The following ZNF451 variants were observed in gnomAD, a reference collection of about 807,000 sequenced individuals.
The protein encoded by ZNF451 is E3 SUMO-protein ligase ZNF451.
A neutral mutation model predicts 107.1 loss-of-function variants in ZNF451; 80 were observed. That is an observed-to-expected ratio of 0.75 (90% CI 0.62 to 0.90). The LOEUF (loss-of-function observed/expected upper bound fraction) is 0.90. ZNF451 is among the 40% of genes least tolerant of loss of function. The probability of loss-of-function intolerance (pLI) is 0.00; values close to 1 mark genes in which losing one functional copy is unlikely to be tolerated. For synonymous variants in ZNF451, 362 were observed against 406.5 expected (o/e 0.89, Z 1.32); for missense variants, 1,107 against 1,236.2 (o/e 0.90, Z 1.57).
At chr6:57,134,721 C>G (rs377082336) in intron 6 of ZNF451, 23 bp from the exon 7 acceptor site, 3 of 1,604,778 alleles carry the variant, frequency 1.9e-6, no homozygotes, top group Non-Finnish European at 8.5e-7. Context: ...CTAATATTAC[C>G]TCTTACCTCT....
intron 2 of ZNF451, among the ~76,000 whole-genome samples, chr6:57,092,192 C>G (rs948671286): frequency 2.0e-5 from 3 of 152,136 alleles, no homozygotes; most frequent in African/African-American, 7.2e-5. Flanking sequence ...TGACATACTT[C>G]TTTATGAACT....
intron 7 of ZNF451, among the ~76,000 whole-genome samples, chr6:57,140,424 G>A (rs1831695054): frequency 6.6e-6 from 1 of 152,022 alleles, no homozygotes; most frequent in South Asian, 2.1e-4. Flanking sequence ...AAATTTGCCT[G>A]ACAAAAATGA....
At chr6:57,125,947 T>C (rs7748101) in intron 4 of ZNF451, among the ~76,000 whole-genome samples, 22 of 152,262 alleles carry the variant, frequency 1.4e-4, no homozygotes, top group African/African-American at 5.3e-4. Flanking sequence ...ATAAGTATGT[T>C]GTTTGATTTT....
intron 3 of ZNF451, chr6:57,102,223 A>G: frequency 3.6e-6 from 5 of 1,396,042 alleles, no homozygotes; most frequent in Non-Finnish European, 4.6e-6. Flanking sequence ...TGGAATGATC[A>G]CAGCTGACAT....
At position 57,152,359 on chromosome 6, in the gene ZNF451, A is replaced by G; in HGVS notation, c.2883+8A>G. ...TTTGCCATATGTATGCATGTGAGTCATTGTTTTATTCAAAATCTAATGTGA... is the reference window on the plus strand; with the variant it reads ...TTTGCCATATGTATGCATGTGAGTCGTTGTTTTATTCAAAATCTAATGTGA... On this transcript the variant is annotated splice_region_variant and intron_variant, in intron 12 of 14. Transcript: ENST00000370706. The G allele has an allele frequency of 6.2e-7, 1 of 1,611,600 alleles. No individual in the cohort carries two copies. The highest frequency in any genetic ancestry group is 8.5e-7 in the Non-Finnish European group (1 of 1,179,514).
At chr6:57,091,365 A>G (rs1448026522) in intron 2 of ZNF451, 3 of 122,790 alleles carry the variant, frequency 2.4e-5, no homozygotes, top group Non-Finnish European at 3.4e-5. Flanking sequence ...AGTACAGTTG[A>G]TGCTCATAAT....
intron 4 of ZNF451, 125 bp downstream of exon 4, chr6:57,124,984 A>G (rs1353243838): frequency 2.1e-6 from 1 of 482,358 alleles, no homozygotes; most frequent in African/African-American, 2.0e-5. Flanking sequence ...TAGATAGCTC[A>G]TGAATTTAGT....
chr6:57,146,598 G>A (rs1047080448), intron 9 of ZNF451, among the ~76,000 whole-genome samples: 5 of 152,032 alleles, frequency 3.3e-5, no homozygotes, highest in South Asian at 2.1e-4. Flanking sequence ...TTATTGCTGG[G>A]TTCTCTATTC....
At chr6:57,112,874 GTAA>G (rs946413114) in intron 3 of ZNF451, among the ~76,000 whole-genome samples, 3 of 152,060 alleles carry the variant, frequency 2.0e-5, no homozygotes, top group African/African-American at 7.2e-5. Context: ...TCTGAAATTA[GTAA>G]TAATGATTTA....
chr6:57,155,042 A>C (rs1763345472), intron 13 of ZNF451, among the ~76,000 whole-genome samples: 1 of 152,204 alleles, frequency 6.6e-6, no homozygotes, highest in Non-Finnish European at 1.5e-5. Flanking sequence ...TTTAAAGTGG[A>C]GTAATGATGG....
chr6:57,109,167 A>G lies in ZNF451; in HGVS notation c.186+10026A>G, dbSNP rs959975191. On this transcript the variant is annotated intron_variant, in intron 3 of 14. Coordinates refer to ENST00000370706, the MANE Select transcript of ZNF451 (RefSeq NM_001031623.3). ...TCTCCCATTGAGATTTCACTGCTGG[A>G]CTAAGATTATTCTTGATTCGTAGTC... 7 of 985,298 alleles carry G rather than the reference A, an allele frequency of 7.1e-6. No homozygotes were observed. In the Admixed American group the frequency reaches 4.3e-4, roughly 61 times the overall value. The allele number at this position is 985,298 out of a possible 1,614,324, so 61.0% of individuals were successfully genotyped here. A position where few individuals can be genotyped will look rare whatever the true frequency, so the allele number is the denominator to read the frequency against.
intron 3 of ZNF451, among the ~76,000 whole-genome samples, chr6:57,120,479 T>G (rs1027984150): frequency 6.6e-6 from 1 of 152,198 alleles, no homozygotes; most frequent in African/African-American, 2.4e-5. Context: ...GCCAAACTGT[T>G]TTTCAAAGTG....
intron 13 of ZNF451, 70 bp downstream of exon 13, chr6:57,154,117 A>C: frequency 6.8e-7 from 1 of 1,475,226 alleles, no homozygotes; most frequent in Non-Finnish European, 9.4e-7. Context: ...AAACCAATAA[A>C]CTGCTGTCCG....
chr6:57,104,509 G>T, intron 3 of ZNF451: 2 of 985,018 alleles, frequency 2.0e-6, no homozygotes, highest in Non-Finnish European at 2.4e-6. Flanking sequence ...AAACTAAACC[G>T]AAATAAGTTA....
intron 9 of ZNF451, among the ~76,000 whole-genome samples, chr6:57,146,114 C>A (rs1832050978): frequency 6.6e-6 from 1 of 152,086 alleles, no homozygotes. Context: ...ATGTCCTTTG[C>A]CCACTTCTTA....
At chr6:57,148,745 A>T in intron 10 of ZNF451, 52 bp downstream of exon 10, 1 of 1,490,896 alleles carries the variant, frequency 6.7e-7, no homozygotes, top group Non-Finnish European at 8.9e-7. Flanking sequence ...TGAAACTTAC[A>T]ATGTACCCAC....
chr6:57,123,681 A>G (rs988750737), intron 3 of ZNF451, among the ~76,000 whole-genome samples: 2 of 152,206 alleles, frequency 1.3e-5, no homozygotes, highest in Admixed American at 6.5e-5. Flanking sequence ...TGAAAAAAAA[A>G]AAGTTTTATG....
At chr6:57,091,183 G>C (rs1159369814) in intron 2 of ZNF451, among the ~76,000 whole-genome samples, 4 of 7,162 alleles carry the variant, frequency 5.6e-4, no homozygotes, top group African/African-American at 1.6e-3. Context: ...TTGAAATGGA[G>C]CAAGAGTAAC....
intron 3 of ZNF451, chr6:57,102,264 T>A (rs908802445): frequency 8.9e-6 from 12 of 1,346,980 alleles, no homozygotes; most frequent in African/African-American, 1.5e-5. Context: ...ATGAAGTATA[T>A]AATAAAGAAA....
Sources: gnomAD v4.1 joint callset for allele counts (sites outside exome capture counted in the v4.1 genomes callset) on GRCh38, gnomAD v4.1.1 for gene constraint, MANE v1.5 for transcripts, NCBI Gene and HGNC (gene_info 2026-07-23, HGNC 2026-07-21) for gene names.